The following KBTBD8 variants were observed in gnomAD, a reference collection of about 807,000 sequenced individuals.
KBTBD8 encodes kelch repeat and BTB domain containing 8.
KBTBD8 carries 31 observed loss-of-function variants against 53.5 expected under a neutral mutation model. The observed-to-expected ratio is 0.58, with a 90% CI of 0.44 to 0.78. KBTBD8 has a LOEUF of 0.78. Ranked by LOEUF, KBTBD8 falls within the 30% of genes least tolerant of loss-of-function variation. KBTBD8 has a pLI of 0.00. For missense variants in KBTBD8, 642 were observed against 735.8 expected (o/e 0.87, Z 1.48); for synonymous variants, 250 against 247.3 (o/e 1.01, Z -0.10).
chr3:67,001,632 G>A (rs185293302), intron 2 of KBTBD8, among the ~76,000 whole-genome samples: 4 of 152,160 alleles, frequency 2.6e-5, no homozygotes, highest in East Asian at 1.9e-4. Flanking sequence ...TAGCTGTATC[G>A]GTGAGTCTTT....
At position 67,010,266 on chromosome 3, in the gene KBTBD8, A is replaced by T. The variant is rs1702104641; in HGVS notation, c.*1881A>T. ...TTTGCATTGCTGAGGAGAGAGAAAA[A>T]ACAATTTTTTTGCAAGAGATGTTCA... On this transcript the variant is annotated 3_prime_UTR_variant, in exon 4 of 4. Transcript: ENST00000417314. 1 of 152,578 alleles carries T rather than the reference A, an allele frequency of 6.6e-6. No homozygotes were observed. Among genetic ancestry groups the T allele is most frequent in the Admixed American group, 6.5e-5 (1 of 15,276 alleles). The allele number at this position is 152,578 out of a possible 1,614,324, so 9.5% of individuals were successfully genotyped here. A position where few individuals can be genotyped will look rare whatever the true frequency, so the allele number is the denominator to read the frequency against.
In KBTBD8 at chr3:67,001,579, T is replaced by C. The variant is rs149704091; in HGVS notation, c.228-1616T>C. Among the ~76,000 whole-genome samples the C allele has an allele frequency of 4.5e-3, 682 of 152,312 alleles. 8 individuals are homozygous for C. Among genetic ancestry groups the C allele is most frequent in the African/African-American group, 0.016 (655 of 41,554 alleles). ...TGTGGTAATGTCTTCCTTTGGGAGT[T>C]AATGTCTCCCTAATGCAGGGCTTTA... On this transcript the variant is annotated intron_variant, in intron 2 of 3. Transcript: ENST00000417314.
At chr3:67,006,711 A>G (rs1266677232) in intron 3 of KBTBD8, among the ~76,000 whole-genome samples, 1 of 152,238 alleles carries the variant, frequency 6.6e-6, no homozygotes, top group Non-Finnish European at 1.5e-5. Context: ...AACAGTTTTC[A>G]AGGGGAAGCT....
intron 3 of KBTBD8, 150 bp from the exon 4 acceptor site, chr3:67,007,772 G>C: frequency 1.8e-6 from 1 of 552,640 alleles, no homozygotes; most frequent in Non-Finnish European, 3.2e-6. Context: ...CCATATGAAT[G>C]TATCTCTGGA....
At chr3:67,005,442 A>G (rs1166695050) in intron 3 of KBTBD8, among the ~76,000 whole-genome samples, 1 of 152,186 alleles carries the variant, frequency 6.6e-6, no homozygotes, top group Admixed American at 6.5e-5. Context: ...TAGAGTACTC[A>G]GTACAGTCAC....
intron 2 of KBTBD8, 31 bp from the exon 3 acceptor site, chr3:67,003,164 C>G: frequency 6.3e-7 from 1 of 1,587,398 alleles, no homozygotes; most frequent in Non-Finnish European, 8.6e-7. Flanking sequence ...TTATAGCACA[C>G]GTGTAATATT....
At position 67,004,251 on chromosome 3, in the gene KBTBD8, A is replaced by G; in HGVS notation, c.1284A>G (p.Pro428=). The change falls in exon 3 of 4, where the codon CCA becomes CCG. Residue 428 remains proline, a synonymous_variant. Coordinates refer to ENST00000417314, the MANE Select transcript of KBTBD8 (RefSeq NM_032505.3). ...GTTGGACGACTGTTTGCGCGATGCC[A>G]GTTGCAATGGAATTTCATAATGCTG... ...ENCWTTVCAM[P]VAMEFHNAVE... is the part of the protein sequence containing the mutation. 6.2e-7 allele frequency: 1 copy of G among 1,614,224 alleles called. No individual in the cohort carries two copies. Among genetic ancestry groups the G allele is most frequent in the Non-Finnish European group, 8.5e-7 (1 of 1,180,036 alleles).
intron 2 of KBTBD8, among the ~76,000 whole-genome samples, chr3:67,002,795 C>T (rs528413085): frequency 2.2e-4 from 34 of 152,044 alleles, no homozygotes; most frequent in Non-Finnish European, 3.8e-4. Flanking sequence ...GCCACCACAC[C>T]GGGCCAGTAT....
chr3:67,009,876 T>A lies in KBTBD8; in HGVS notation c.*1491T>A, dbSNP rs1156929667. ...TGAAAGCAAACTGGCATGGTTCGTATTTTAAAAATCTTGCACAAATTGTAA... is the reference window on the plus strand; with the variant it reads ...TGAAAGCAAACTGGCATGGTTCGTAATTTAAAAATCTTGCACAAATTGTAA... On this transcript the variant is annotated 3_prime_UTR_variant, in exon 4 of 4. Transcript: ENST00000417314. The A allele has an allele frequency of 3.9e-5, 6 of 152,628 alleles. No individual in the cohort carries two copies. Among genetic ancestry groups the A allele is most frequent in the Non-Finnish European group, 8.8e-5 (6 of 67,994 alleles). The allele number at this position is 152,628 out of a possible 1,614,324, so 9.5% of individuals were successfully genotyped here. A position where few individuals can be genotyped will look rare whatever the true frequency, so the allele number is the denominator to read the frequency against.
At chr3:66,999,255 TC>T in intron 2 of KBTBD8, 64 bp downstream of exon 2, 1 of 1,252,798 alleles carries the variant, frequency 8.0e-7, no homozygotes, top group Non-Finnish European at 1.2e-6. Flanking sequence ...CTCAGTATTG[TC>T]CACTTGATGT....
chr3:67,005,993 A>T (rs1702061683), intron 3 of KBTBD8, among the ~76,000 whole-genome samples: 1 of 152,088 alleles, frequency 6.6e-6, no homozygotes, highest in Non-Finnish European at 1.5e-5. Context: ...GTAATATCTG[A>T]GCTCATTTGT....
rs1043461994 is a variant in KBTBD8, at chr3:67,008,522, G to C, written c.*137G>C. Reference sequence around the variant, plus strand: ...AAATGGGTATGCTTAAAGATTGCAGGGTAGGGAGGGATTTTCCTTCATCCT... The same window carrying C: ...AAATGGGTATGCTTAAAGATTGCAGCGTAGGGAGGGATTTTCCTTCATCCT... On this transcript the variant is annotated 3_prime_UTR_variant, in exon 4 of 4. Coordinates refer to ENST00000417314, the MANE Select transcript of KBTBD8 (RefSeq NM_032505.3). The C allele has an allele frequency of 5.4e-5, 31 of 574,160 alleles. No individual in the cohort carries two copies. The East Asian group carries it at 8.1e-4, about 15-fold the overall frequency. 35.6% of individuals were successfully genotyped at this position (574,160 alleles called of 1,614,324 possible). A position where few individuals can be genotyped will look rare whatever the true frequency, so the allele number is the denominator to read the frequency against.
intron 3 of KBTBD8, 71 bp downstream of exon 3, chr3:67,004,380 G>A (rs1358303213): frequency 1.4e-6 from 2 of 1,415,106 alleles, no homozygotes; most frequent in Middle Eastern, 1.8e-4. Flanking sequence ...TAATTATACT[G>A]AAACAGTTGT....
chr3:66,999,202 G>C lies in KBTBD8; in HGVS notation c.227+11G>C, dbSNP rs746720705. Reference sequence around the variant, plus strand: ...CAGCCCTTACTTCAGGTATGATGATGGTAGGAACTTCTGTTGGTATCTGCA... The same window carrying C: ...CAGCCCTTACTTCAGGTATGATGATCGTAGGAACTTCTGTTGGTATCTGCA... On this transcript the variant is annotated intron_variant, in intron 2 of 3. Transcript: ENST00000417314. 6.2e-7 allele frequency: 1 copy of C among 1,608,686 alleles called. No individual in the cohort carries two copies. Among genetic ancestry groups the C allele is most frequent in the Admixed American group, 1.7e-5 (1 of 60,026 alleles).
chr3:67,007,315 T>TTG (rs1311084573), intron 3 of KBTBD8, among the ~76,000 whole-genome samples: 1 of 144,346 alleles, frequency 6.9e-6, no homozygotes, highest in Non-Finnish European at 1.5e-5. Context: ...AGAATCAAGT[T>TTG]TGTGTTTTTT....
Position 66,998,341 on chromosome 3 carries a change from G to A in KBTBD8, c.-15G>A. On this transcript the variant is annotated 5_prime_UTR_variant, in exon 1 of 4. Coordinates refer to ENST00000417314, the MANE Select transcript of KBTBD8 (RefSeq NM_032505.3). ...TTTCCTTTTTAAATAGCTGGAGTCG[G>A]GGCCCCATCGAGAAATGGCCGCGTC... is the stretch of plus-strand genomic sequence containing the variant. 1 of 1,298,632 alleles carries A rather than the reference G, an allele frequency of 7.7e-7. No individual in the cohort carries two copies. The highest frequency in any genetic ancestry group is 9.9e-7 in the Non-Finnish European group (1 of 1,015,228). The allele number at this position is 1,298,632 out of a possible 1,614,324, so 80.4% of individuals were successfully genotyped here.
At position 67,009,396 on chromosome 3, in the gene KBTBD8, G is replaced by T. The variant is rs867386130; in HGVS notation, c.*1011G>T. The T allele has an allele frequency of 2.0e-5, 3 of 152,582 alleles. 1 individual carries two copies. In the South Asian group the frequency reaches 6.2e-4, roughly 32 times the overall value. 9.5% of individuals were successfully genotyped at this position (152,582 alleles called of 1,614,324 possible). On this transcript the variant is annotated 3_prime_UTR_variant, in exon 4 of 4. Transcript: ENST00000417314. Reference sequence around the variant, plus strand: ...CCATTCATTATTGGTACAAGGAAAGGTAACTTATTTCTCTTCTGCACAGAG... The same window carrying T: ...CCATTCATTATTGGTACAAGGAAAGTTAACTTATTTCTCTTCTGCACAGAG...
chr3:67,000,707 A>C (rs1237671295), intron 2 of KBTBD8, among the ~76,000 whole-genome samples: 2 of 152,124 alleles, frequency 1.3e-5, no homozygotes, highest in African/African-American at 4.8e-5. Flanking sequence ...ATTGCATTTG[A>C]ATAGTAAAAA....
At position 67,008,685 on chromosome 3, in the gene KBTBD8, T is replaced by C. The variant is rs559518302; in HGVS notation, c.*300T>C. 2.5e-5 allele frequency: 8 copies of C among 319,268 alleles called. No homozygotes were observed. The highest frequency in any genetic ancestry group is 4.7e-5 in the Non-Finnish European group (8 of 171,474). The allele number at this position is 319,268 out of a possible 1,614,324, so 19.8% of individuals were successfully genotyped here. A position where few individuals can be genotyped will look rare whatever the true frequency, so the allele number is the denominator to read the frequency against. On this transcript the variant is annotated 3_prime_UTR_variant, in exon 4 of 4. Coordinates refer to ENST00000417314, the MANE Select transcript of KBTBD8 (RefSeq NM_032505.3). The stretch of plus-strand genomic sequence containing the variant: ...GAGGTACCAGATGAATCAGGACAAC[T>C]ATGCACTCTTATAAGAGCATTTAGG...
Sources: allele counts gnomAD v4.1 joint callset (sites outside exome capture counted in the v4.1 genomes callset), GRCh38; gene constraint gnomAD v4.1.1; transcripts MANE v1.5; gene names NCBI Gene and HGNC (gene_info 2026-07-23, HGNC 2026-07-21).